The following ATP7B variants were observed in gnomAD, a reference collection of about 807,000 sequenced individuals.
ATP7B encodes ATPase copper transporting beta.
ATP7B carries 113 observed loss-of-function variants against 118.9 expected under a neutral mutation model. The ratio of observed to expected loss-of-function variants is 0.95; its 90% confidence interval spans 0.82 to 1.11. The LOEUF is 1.11. Ranked by LOEUF, ATP7B falls within the 50% of genes most tolerant of loss-of-function variation. The probability of loss-of-function intolerance (pLI) is 0.00; values close to 1 mark genes in which losing one functional copy is unlikely to be tolerated. For synonymous variants in ATP7B, 777 were observed against 727.4 expected (o/e 1.07, Z -1.10); for missense variants, 1,867 against 1,871.4 (o/e 1.00, Z 0.04).
chr13:51,969,847 A>G (rs950736924), intron 3 of ATP7B, among the ~76,000 whole-genome samples: 1 of 152,218 alleles, frequency 6.6e-6, no homozygotes, highest in African/African-American at 2.4e-5. Context: ...TGTCATCTGA[A>G]TTCAGGGCTG....
intron 1 of ATP7B, among the ~76,000 whole-genome samples, chr13:51,990,757 G>A (rs1255926819): frequency 6.6e-6 from 1 of 152,196 alleles, no homozygotes. Flanking sequence ...GGATATATCT[G>A]TGCCAGCCAA....
chr13:51,949,851 A>C lies in ATP7B; in HGVS notation c.2731-55T>G, dbSNP rs993613118. 42 of 1,613,032 alleles carry C rather than the reference A, an allele frequency of 2.6e-5. No homozygotes were observed. In the Middle Eastern group the frequency reaches 6.6e-4, roughly 25 times the overall value. ...AAATTACAACCTATGAAGAAATAAAACACCACAAGCATGGATAAAGATTGG... is the reference window on the plus strand; with the variant it reads ...AAATTACAACCTATGAAGAAATAAACCACCACAAGCATGGATAAAGATTGG... On this transcript the variant is annotated intron_variant, in intron 11 of 20. Transcript: ENST00000242839.
chr13:51,954,579 G>A (rs576273984), intron 9 of ATP7B, among the ~76,000 whole-genome samples: 11 of 152,358 alleles, frequency 7.2e-5, no homozygotes, highest in Admixed American at 7.2e-4. Flanking sequence ...CGCCCCTAGA[G>A]ACAGAGGTGC....
intron 12 of ATP7B, among the ~76,000 whole-genome samples, chr13:51,947,642 G>T (rs1957749425): frequency 6.6e-6 from 1 of 152,118 alleles, no homozygotes; most frequent in Admixed American, 6.6e-5. Flanking sequence ...AATTTTCATA[G>T]AAACAGTTAT....
At chr13:51,941,724 C>T (rs896313680) in intron 15 of ATP7B, among the ~76,000 whole-genome samples, 3 of 152,194 alleles carry the variant, frequency 2.0e-5, no homozygotes, top group Non-Finnish European at 2.9e-5. Flanking sequence ...GTGCTGCTAG[C>T]TGAGGTGTCA....
intron 12 of ATP7B, among the ~76,000 whole-genome samples, chr13:51,949,279 G>A (rs968611785): frequency 1.5e-4 from 23 of 152,140 alleles, no homozygotes; most frequent in African/African-American, 5.1e-4. Context: ...TACATCAAAA[G>A]ATATTTTTCT....
At position 51,942,466 on chromosome 13, in the gene ATP7B, C is replaced by A; in HGVS notation, c.3332G>T (p.Gly1111Val). The A allele has an allele frequency of 1.9e-6, 3 of 1,614,224 alleles. No homozygotes were observed. The highest frequency in any genetic ancestry group is 2.5e-6 in the Non-Finnish European group (3 of 1,180,036). The part of the protein sequence containing the change: ...GIGCKVSNVE[G>V]ILAHSERPLS... Reference sequence around the variant, plus strand: ...AGGGCGCTCACTGTGGGCCAGGATGCCTTCCACGTTGCTGACTTTGCACCC... The same window carrying A: ...AGGGCGCTCACTGTGGGCCAGGATGACTTCCACGTTGCTGACTTTGCACCC... The change falls in exon 15 of 21, where the codon GGC (glycine) becomes GTC (valine). Residue 1111 changes from glycine to valine, a missense_variant. Physicochemically the swap from Gly to Val is moderately radical, Grantham distance 109. Transcript: ENST00000242839.
chr13:51,983,450 A>C (rs1200777464), intron 1 of ATP7B, among the ~76,000 whole-genome samples: 1 of 152,184 alleles, frequency 6.6e-6, no homozygotes, highest in Non-Finnish European at 1.5e-5. Context: ...TCCCTGGGAC[A>C]GATCACCTGG....
chr13:52,007,467 C>G (rs1425165629), intron 1 of ATP7B, among the ~76,000 whole-genome samples: 1 of 152,260 alleles, frequency 6.6e-6, no homozygotes. Flanking sequence ...GCCACAGCCA[C>G]TCTGGCTTTC....
At chr13:51,964,504 C>T (rs1004078252) in intron 5 of ATP7B, among the ~76,000 whole-genome samples, 3 of 152,160 alleles carry the variant, frequency 2.0e-5, no homozygotes, top group East Asian at 1.9e-4. Context: ...CCAAGGCCAA[C>T]GTTCCTTTGC....
chr13:52,011,442 G>T lies in ATP7B; in HGVS notation c.-105C>A. On this transcript the variant is annotated 5_prime_UTR_variant, in exon 1 of 21. It adds an upstream start codon to the 5' untranslated region. Transcript: ENST00000242839. The stretch of plus-strand genomic sequence containing the variant: ...TTAAAGTCCCGGGAGAGGAGGCGCA[G>T]AGTGTGAGGGCATCGGCGCGGCTCG... The T allele has an allele frequency of 1.4e-6, 2 of 1,466,588 alleles. No homozygotes were observed. Among genetic ancestry groups the T allele is most frequent in the Non-Finnish European group, 1.9e-6 (2 of 1,057,394 alleles). 90.8% of individuals were successfully genotyped at this position (1,466,588 alleles called of 1,614,324 possible).
At chr13:51,968,340 C>CAG in intron 4 of ATP7B, 104 bp downstream of exon 4, 3 of 1,534,024 alleles carry the variant, frequency 2.0e-6, no homozygotes, top group Non-Finnish European at 2.7e-6. Context: ...AACAACAAAC[C>CAG]AGACACGTCC....
chr13:51,976,641 T>C (rs1408133107), intron 1 of ATP7B, among the ~76,000 whole-genome samples: 1 of 152,204 alleles, frequency 6.6e-6, no homozygotes, highest in East Asian at 1.9e-4. Context: ...ACCTAGCTGA[T>C]GTAGCCTACC....
intron 2 of ATP7B, among the ~76,000 whole-genome samples, chr13:51,971,258 A>C (rs1951828132): frequency 6.6e-6 from 1 of 152,270 alleles, no homozygotes; most frequent in Non-Finnish European, 1.5e-5. Context: ...TCTCAGACAA[A>C]CAACAAATAA....
chr13:51,968,262 C>T (rs959010967), intron 4 of ATP7B, among the ~76,000 whole-genome samples, 182 bp downstream of exon 4: 2 of 152,160 alleles, frequency 1.3e-5, no homozygotes, highest in African/African-American at 4.8e-5. Context: ...ACGTAACTGA[C>T]CTTTCTTAAA....
At chr13:52,001,239 C>T (rs1326080861) in intron 1 of ATP7B, among the ~76,000 whole-genome samples, 1 of 152,174 alleles carries the variant, frequency 6.6e-6, no homozygotes, top group Non-Finnish European at 1.5e-5. Flanking sequence ...CTGGCTTCTG[C>T]TCTTAGCCCC....
chr13:51,995,467 C>G (rs961974435), intron 1 of ATP7B: 9 of 435,506 alleles, frequency 2.1e-5, no homozygotes, highest in Admixed American at 1.3e-4. Flanking sequence ...TGTGGACAGA[C>G]AGCAGGGTCA....
chr13:51,985,608 A>G (rs1952616573), intron 1 of ATP7B, among the ~76,000 whole-genome samples: 1 of 152,240 alleles, frequency 6.6e-6, no homozygotes, highest in Non-Finnish European at 1.5e-5. Context: ...AATCAACAGA[A>G]TATACATTCT....
In ATP7B at chr13:51,949,995, T is replaced by C. The variant is rs910829263; in HGVS notation, c.2730+12A>G. The C allele has an allele frequency of 1.2e-6, 2 of 1,614,122 alleles. No individual in the cohort carries two copies. Among genetic ancestry groups the C allele is most frequent in the East Asian group, 2.2e-5 (1 of 44,906 alleles). The stretch of plus-strand genomic sequence containing the variant: ...AGAAAGATGAAGTTAGTTTTAAAAA[T>C]TTCTTCATTACCTTTGACATCTGAG... On this transcript the variant is annotated intron_variant, in intron 11 of 20. Coordinates refer to ENST00000242839, the MANE Select transcript of ATP7B (RefSeq NM_000053.4).
Sources: gnomAD v4.1 joint callset for allele counts (sites outside exome capture counted in the v4.1 genomes callset) on GRCh38, gnomAD v4.1.1 for gene constraint, MANE v1.5 for transcripts, NCBI Gene and HGNC (gene_info 2026-07-23, HGNC 2026-07-21) for gene names.